WNK2: variants seen among roughly 807,000 people sequenced by gnomAD.
WNK2 encodes WNK lysine deficient protein kinase 2.
Under a neutral mutation model 192.1 loss-of-function variants are expected in WNK2, and 67 were observed. That is an observed-to-expected ratio of 0.35 (90% CI 0.29 to 0.43). The LOEUF (loss-of-function observed/expected upper bound fraction) is 0.43, where lower values mean the gene tolerates loss of function less well. Among genes scored for constraint, WNK2 ranks in the 20% least tolerant of loss-of-function variants. The pLI is 1.00. For synonymous variants in WNK2, 1,439 were observed against 1,393.9 expected (o/e 1.03, Z -0.72); for missense variants, 2,698 against 3,089.7 (o/e 0.87, Z 3.01).
At chr9:93,261,126 G>C (rs1053813690) in intron 12 of WNK2, among the ~76,000 whole-genome samples, 1 of 152,142 alleles carries the variant, frequency 6.6e-6, no homozygotes, top group Admixed American at 6.5e-5. Flanking sequence ...CTGGGGCTTG[G>C]TATTTCTGAC....
At chr9:93,201,822 C>G (rs1028091955) in intron 2 of WNK2, among the ~76,000 whole-genome samples, 1 of 152,232 alleles carries the variant, frequency 6.6e-6, no homozygotes, top group African/African-American at 2.4e-5. Context: ...CTCTGTTCCC[C>G]GAGGGGAGCG....
At position 93,216,295 on chromosome 9, in the gene WNK2, A is replaced by G. The variant is rs560913956; in HGVS notation, c.682-13401A>G. On this transcript the variant is annotated intron_variant, in intron 2 of 29. Coordinates refer to ENST00000427277, the MANE Select transcript of WNK2 (RefSeq NM_006648.4). The stretch of plus-strand genomic sequence containing the variant: ...GTCCTATAGAAATGTAATGTGAGCC[A>G]CAAATGTGAGCCATATGTGCAATTT... Among the ~76,000 whole-genome samples the G allele has an allele frequency of 1.4e-4, 21 of 152,286 alleles. No homozygotes were observed. The South Asian group carries it at 4.1e-3, about 30-fold the overall frequency.
At chr9:93,268,769 C>A in intron 19 of WNK2, 23 bp downstream of exon 19, 1 of 1,602,582 alleles carries the variant, frequency 6.2e-7, no homozygotes, top group Non-Finnish European at 8.5e-7. Flanking sequence ...GGCGCCCACA[C>A]AAGCCCCTCC....
chr9:93,261,712 T>G (rs1469607199), intron 12 of WNK2, 102 bp from the exon 13 acceptor site: 23 of 1,361,554 alleles, frequency 1.7e-5, no homozygotes, highest in Non-Finnish European at 2.1e-5. Context: ...TGGAGAGGGG[T>G]GTTCCCATCT....
At chr9:93,201,342 G>T (rs902978737) in intron 2 of WNK2, among the ~76,000 whole-genome samples, 4 of 152,248 alleles carry the variant, frequency 2.6e-5, no homozygotes, top group African/African-American at 9.6e-5. Flanking sequence ...GTGGGGATGG[G>T]TCCAGGTGGG....
chr9:93,309,269 T>C (rs1392916737), intron 28 of WNK2: 1 of 377,540 alleles, frequency 2.6e-6, no homozygotes, highest in Admixed American at 6.4e-5. Flanking sequence ...CCTTAAAATT[T>C]ATTTTTCAAA....
In WNK2 at chr9:93,309,059, T is replaced by C. The variant is rs565883480; in HGVS notation, c.6516+475T>C. 17 of 992,314 alleles carry C rather than the reference T, an allele frequency of 1.7e-5. No individual in the cohort carries two copies. The East Asian group carries it at 1.7e-3, about 97-fold the overall frequency. The allele number at this position is 992,314 out of a possible 1,614,324, so 61.5% of individuals were successfully genotyped here. A position where few individuals can be genotyped will look rare whatever the true frequency, so the allele number is the denominator to read the frequency against. ...GGGCGGAAGTGAGGACCTGCTGTCC[T>C]AGGTTTTCACACCTAACTTGTTTGA... is the stretch of plus-strand genomic sequence containing the variant. On this transcript the variant is annotated intron_variant, in intron 28 of 29. Transcript: ENST00000427277.
rs971801023 is a variant in WNK2, at chr9:93,229,110, C to T, written c.682-586C>T. Among the ~76,000 whole-genome samples, 1 of 152,158 alleles carries T rather than the reference C, an allele frequency of 6.6e-6. No individual in the cohort carries two copies. The highest frequency in any genetic ancestry group is 1.5e-5 in the Non-Finnish European group (1 of 68,026). On this transcript the variant is annotated intron_variant, in intron 2 of 29. Transcript: ENST00000427277. This position sits in a 1 kb window ranked among gnomAD's most constrained non-coding sequence, Gnocchi z 4.9. ...CAGTGATTGGTTCTGCTGGCTTGTG[C>T]AGACACAGTGGCCCAAGGGTCTGGG...
intron 29 of WNK2, 100 bp downstream of exon 29, chr9:93,317,731 G>A (rs1176092679): frequency 6.0e-6 from 9 of 1,489,460 alleles, no homozygotes; most frequent in Non-Finnish European, 8.2e-6. Context: ...CCCTGGGCAG[G>A]CCAGGTGGGC....
At chr9:93,189,550 G>T (rs552455355) in intron 2 of WNK2, among the ~76,000 whole-genome samples, 1 of 152,322 alleles carries the variant, frequency 6.6e-6, no homozygotes, top group African/African-American at 2.4e-5. Flanking sequence ...TCAGTGTCCT[G>T]TCCATCTTCC....
intron 2 of WNK2, among the ~76,000 whole-genome samples, chr9:93,199,708 C>T (rs1831971870): frequency 2.0e-5 from 3 of 151,944 alleles, no homozygotes; most frequent in South Asian, 2.1e-4. Flanking sequence ...ACCATCCTGG[C>T]TAACTCGGTG....
In WNK2 at chr9:93,289,347, G is replaced by A; in HGVS notation, c.4593G>A (p.Leu1531=). 1.2e-6 allele frequency: 2 copies of A among 1,609,444 alleles called. No homozygotes were observed. Among genetic ancestry groups the A allele is most frequent in the East Asian group, 4.5e-5 (2 of 44,740 alleles). Residue 1531 remains leucine, a synonymous_variant, in exon 20 of 30, where the codon CTG becomes CTA. Transcript: ENST00000427277. Reference sequence around the variant, plus strand: ...TCCCCCCACAGCCACCCTCGGCCCTGGAGTCGGATGGGGAAGGGCCGCCCC... The same window carrying A: ...TCCCCCCACAGCCACCCTCGGCCCTAGAGTCGGATGGGGAAGGGCCGCCCC... ...PTVPPQPPSA[L]ESDGEGPPPR...
chr9:93,235,785 C>T (rs541376955), intron 5 of WNK2, among the ~76,000 whole-genome samples: 51 of 152,344 alleles, frequency 3.3e-4, no homozygotes, highest in African/African-American at 1.2e-3. Flanking sequence ...GGTGGGGCCG[C>T]GCTGCCCCTC....
chr9:93,306,958 G>A (rs748296957), intron 27 of WNK2, 137 bp downstream of exon 27: 135 of 1,056,206 alleles, frequency 1.3e-4, no homozygotes, highest in Non-Finnish European at 1.8e-4. Flanking sequence ...CATGCCTCTC[G>A]GCCGGGCACT....
intron 23 of WNK2, among the ~76,000 whole-genome samples, chr9:93,295,942 T>G (rs949944499): frequency 8.5e-6 from 1 of 117,680 alleles, no homozygotes; most frequent in Admixed American, 9.1e-5. Flanking sequence ...CTCTCCACCC[T>G]CAACTCACTT....
intron 9 of WNK2, among the ~76,000 whole-genome samples, chr9:93,253,670 C>T (rs1027216339): frequency 5.9e-5 from 9 of 152,140 alleles, no homozygotes; most frequent in Non-Finnish European, 1.3e-4. Context: ...ATGAGGGGAA[C>T]ACTTTCAGGG....
At chr9:93,261,391 C>T (rs2132944847) in intron 12 of WNK2, among the ~76,000 whole-genome samples, 1 of 152,332 alleles carries the variant, frequency 6.6e-6, no homozygotes, top group East Asian at 1.9e-4. Flanking sequence ...GCCGCAGTCG[C>T]CCTCCAGGAG....
Position 93,257,091 on chromosome 9 carries a change from C to G in WNK2, c.2334C>G (p.Leu778=), listed in dbSNP as rs775593790. 1 of 1,608,752 alleles carries G rather than the reference C, an allele frequency of 6.2e-7. No individual in the cohort carries two copies. ...QVGAPAQLKP[L]QMPQAPLQPL... Reference sequence around the variant, plus strand: ...GGGCCCCCGCTCAGCTGAAGCCCCTCCAGATGCCACAGGCGCCCCTGCAGC... The same window carrying G: ...GGGCCCCCGCTCAGCTGAAGCCCCTGCAGATGCCACAGGCGCCCCTGCAGC... The change falls in exon 11 of 30, where the codon CTC becomes CTG. Residue 778 remains leucine (L), a synonymous_variant. Coordinates refer to ENST00000427277, the MANE Select transcript of WNK2 (RefSeq NM_006648.4). The surrounding 1 kb of genome is among the most constrained non-coding windows in gnomAD (Gnocchi z 4.7).
At chr9:93,253,669 A>G (rs1842898423) in intron 9 of WNK2, among the ~76,000 whole-genome samples, 1 of 152,130 alleles carries the variant, frequency 6.6e-6, no homozygotes, top group Non-Finnish European at 1.5e-5. Context: ...GATGAGGGGA[A>G]CACTTTCAGG....
Sources: allele counts gnomAD v4.1 joint callset (sites outside exome capture counted in the v4.1 genomes callset), GRCh38; gene constraint gnomAD v4.1.1; non-coding constraint Gnocchi (gnomAD v3.1); transcripts MANE v1.5; gene names NCBI Gene and HGNC (gene_info 2026-07-23, HGNC 2026-07-21).